The following DOCK3 variants were observed in gnomAD, a reference collection of about 807,000 sequenced individuals.
DOCK3 encodes dedicator of cytokinesis 3, also known as dedicator of cytokinesis protein 3.
Under a neutral mutation model 265.6 loss-of-function variants are expected in DOCK3, and 60 were observed. That is an observed-to-expected ratio of 0.23 (90% CI 0.18 to 0.28). The LOEUF (loss-of-function observed/expected upper bound fraction) is 0.28. DOCK3 is among the 10% of genes least tolerant of loss of function. The pLI, the probability that DOCK3 is intolerant of heterozygous loss-of-function variation, is 1.00. For missense variants in DOCK3, 1,981 were observed against 2,594.3 expected (o/e 0.76, Z 5.14); for synonymous variants, 881 against 938.0 (o/e 0.94, Z 1.11).
intron 7 of DOCK3, among the ~76,000 whole-genome samples, chr3:51,078,678 T>A (rs1298071165): frequency 6.6e-6 from 1 of 152,216 alleles, no homozygotes; most frequent in African/African-American, 2.4e-5. Context: ...ATTCTATATT[T>A]ACTCAGCCAC....
intron 2 of DOCK3, among the ~76,000 whole-genome samples, chr3:50,831,698 A>G (rs950218687): frequency 6.6e-6 from 1 of 152,214 alleles, no homozygotes; most frequent in African/African-American, 2.4e-5. Context: ...ATATGTGTGC[A>G]TGCATCTTTA....
chr3:51,359,057 G>T lies in DOCK3; in HGVS notation c.4884+980G>T, dbSNP rs1016580764. ...CACCCAGGACCACTGGACAGAAGTG[G>T]CAGGGAGACAAGAAGTAGAGCTGTT... On this transcript the variant is annotated intron_variant, in intron 46 of 52. Transcript: ENST00000266037. This position sits in a 1 kb window ranked among gnomAD's most constrained non-coding sequence, Gnocchi z 4.8. Among the ~76,000 whole-genome samples the T allele has an allele frequency of 3.3e-4, 51 of 152,244 alleles. No homozygotes were observed. The highest frequency in any genetic ancestry group is 1.6e-4 in the Non-Finnish European group (11 of 68,044).
At chr3:50,863,964 T>C (rs2047028226) in intron 3 of DOCK3, among the ~76,000 whole-genome samples, 2 of 152,226 alleles carry the variant, frequency 1.3e-5, no homozygotes, top group Admixed American at 1.3e-4. Flanking sequence ...TCTTTTTCTT[T>C]GGATATGTAC....
intron 52 of DOCK3, among the ~76,000 whole-genome samples, chr3:51,380,542 C>T (rs2088544091): frequency 6.6e-6 from 1 of 152,202 alleles, no homozygotes; most frequent in South Asian, 2.1e-4. Context: ...AACAAATGTT[C>T]CTGTGGTGGA....
chr3:50,840,855 A>G (rs1212900801), intron 2 of DOCK3, among the ~76,000 whole-genome samples: 1 of 152,150 alleles, frequency 6.6e-6, no homozygotes, highest in Non-Finnish European at 1.5e-5. Context: ...GTTGTTTGTT[A>G]TGTTTTCAGG....
At chr3:50,913,701 A>G (rs909100338) in intron 4 of DOCK3, among the ~76,000 whole-genome samples, 2 of 152,062 alleles carry the variant, frequency 1.3e-5, no homozygotes, top group South Asian at 2.1e-4. Flanking sequence ...GCTGAGTTTC[A>G]TCTGTGTTGT....
intron 12 of DOCK3, among the ~76,000 whole-genome samples, chr3:51,202,372 A>G (rs1398808637): frequency 1.3e-5 from 2 of 150,930 alleles, no homozygotes; most frequent in African/African-American, 4.9e-5. Flanking sequence ...AACTACCATC[A>G]GAGAATACTA....
intron 35 of DOCK3, among the ~76,000 whole-genome samples, chr3:51,335,237 T>TA (rs879702583): frequency 4.2e-4 from 57 of 134,424 alleles, no homozygotes; most frequent in African/African-American, 8.2e-4. Flanking sequence ...AAATATAATT[T>TA]AAAAAAAAAA....
chr3:50,885,347 A>T (rs1183355727), intron 3 of DOCK3, among the ~76,000 whole-genome samples: 2 of 143,928 alleles, frequency 1.4e-5, no homozygotes, highest in Non-Finnish European at 3.0e-5. Context: ...GAAAAATGGT[A>T]TAAGCTTTTG....
chr3:51,018,693 A>C (rs1387918030), intron 5 of DOCK3, among the ~76,000 whole-genome samples: 1 of 151,804 alleles, frequency 6.6e-6, no homozygotes, highest in Admixed American at 6.6e-5. Flanking sequence ...TGCTGTTTTT[A>C]ATAGTTTTAG....
chr3:51,362,547 G>A lies in DOCK3; in HGVS notation c.5166G>A (p.Arg1722=). 6.2e-7 allele frequency: 1 copy of A among 1,613,904 alleles called. No homozygotes were observed. Among genetic ancestry groups the A allele is most frequent in the Non-Finnish European group, 8.5e-7 (1 of 1,179,886 alleles). ...TGCAGCTCGCGTATCCCAACCCCAG[G>A]TACCAAGGCTCAGTCACCAACGTCT... ...HHMQLAYPNP[R]YQGSVTNVSV... is the part of the protein sequence containing the mutation. Residue 1722 remains arginine (R), a synonymous_variant, in exon 49 of 53, where the codon AGG becomes AGA. Transcript: ENST00000266037.
At chr3:51,169,140 AG>A (rs1475639640) in intron 12 of DOCK3, among the ~76,000 whole-genome samples, 2 of 152,252 alleles carry the variant, frequency 1.3e-5, no homozygotes, top group Non-Finnish European at 2.9e-5. Context: ...TGTTGGTGTG[AG>A]TATAAATTAG....
intron 5 of DOCK3, among the ~76,000 whole-genome samples, chr3:50,981,597 A>G (rs1456567959): frequency 1.3e-5 from 2 of 152,182 alleles, no homozygotes; most frequent in East Asian, 1.9e-4. Context: ...AGATCTAATA[A>G]TATTTGCTTT....
chr3:50,871,969 T>C (rs549945853), intron 3 of DOCK3, among the ~76,000 whole-genome samples: 1 of 152,344 alleles, frequency 6.6e-6, no homozygotes, highest in Non-Finnish European at 1.5e-5. Context: ...TTGAGTTTAC[T>C]AAAAACAGCT....
chr3:50,761,651 A>G (rs886443320), intron 1 of DOCK3, among the ~76,000 whole-genome samples: 1 of 152,150 alleles, frequency 6.6e-6, no homozygotes, highest in Non-Finnish European at 1.5e-5. Flanking sequence ...CTGCACTTTA[A>G]TCTTCTTTTG....
At chr3:50,793,538 A>G (rs1208056426) in intron 2 of DOCK3, among the ~76,000 whole-genome samples, 1 of 151,430 alleles carries the variant, frequency 6.6e-6, no homozygotes, top group African/African-American at 2.4e-5. Flanking sequence ...TGTATTTTTT[A>G]GTAGAGACGG....
At position 50,675,355 on chromosome 3, in the gene DOCK3, C is replaced by T. The variant is rs1005299708; in HGVS notation, c.37+55C>T. On this transcript the variant is annotated intron_variant, in intron 1 of 52. Coordinates refer to ENST00000266037, the MANE Select transcript of DOCK3 (RefSeq NM_004947.5). This position sits in a 1 kb window ranked among gnomAD's most constrained non-coding sequence, Gnocchi z 6.1. ...GGGGTTCTGGGGGACGCGCCCAGCT[C>T]CCGGCCCCGCCTGGATTCGCATCCT... 3.5e-5 allele frequency: 42 copies of T among 1,184,504 alleles called. No homozygotes were observed. The highest frequency in any genetic ancestry group is 4.3e-5 in the Non-Finnish European group (41 of 947,898). 73.4% of individuals were successfully genotyped at this position (1,184,504 alleles called of 1,614,324 possible).
chr3:50,823,107 C>T (rs1037515805), intron 2 of DOCK3, among the ~76,000 whole-genome samples: 3 of 151,902 alleles, frequency 2.0e-5, no homozygotes, highest in Non-Finnish European at 4.4e-5. Context: ...ATACTTGCAA[C>T]TTAAGTTAAT....
rs1185917184 is a variant in DOCK3, at chr3:51,348,917, C to T, written c.3981C>T (p.Tyr1327=). 6.3e-7 allele frequency: 1 copy of T among 1,578,402 alleles called. No individual in the cohort carries two copies. Among genetic ancestry groups the T allele is most frequent in the South Asian group, 1.2e-5 (1 of 85,868 alleles). The change falls in exon 39 of 53, where the codon TAC becomes TAT. Residue 1327 remains tyrosine (Y), a synonymous_variant. Transcript: ENST00000266037. ...GTCAGTACGAGAGCCTCTATGATTA[C>T]CAGAGCCTCAGCTGGATTCGGGTGA... The part of the protein sequence containing the change: ...LACQYESLYD[Y]QSLSWIRKME...
Sources: gnomAD v4.1 joint callset for allele counts (sites outside exome capture counted in the v4.1 genomes callset) on GRCh38, gnomAD v4.1.1 for gene constraint, Gnocchi (gnomAD v3.1) non-coding constraint, MANE v1.5 for transcripts, NCBI Gene and HGNC (gene_info 2026-07-23, HGNC 2026-07-21) for gene names.